NREP: variants seen among roughly 807,000 people sequenced by gnomAD.
NREP encodes the protein neuronal regeneration-related protein.
In NREP, 5 loss-of-function variants were observed where a neutral mutation model predicts 8.6. The ratio of observed to expected loss-of-function variants is 0.58; its 90% CI spans 0.30 to 1.22. The LOEUF (loss-of-function observed/expected upper bound fraction) is 1.22. Ranked by LOEUF, NREP falls within the 50% of genes most tolerant of loss-of-function variation. NREP has a pLI of 0.07. For missense variants in NREP, 86 were observed against 82.5 expected, an observed-to-expected ratio of 1.04 and a Z score of -0.17; for synonymous variants, 27 against 28.0, an observed-to-expected ratio of 0.96 and a Z score of 0.11.
At chr5:111,917,962 A>G (rs890407103) in intron 2 of NREP, among the ~76,000 whole-genome samples, 4 of 152,172 alleles carry the variant, frequency 2.6e-5, no homozygotes, top group African/African-American at 9.7e-5. Context: ...AGAAAACCCC[A>G]TCATCTCAGC....
intron 2 of NREP, among the ~76,000 whole-genome samples, chr5:111,805,372 T>C (rs1752116395): frequency 6.6e-6 from 1 of 152,230 alleles, no homozygotes; most frequent in African/African-American, 2.4e-5. Flanking sequence ...ACAAGGTTAT[T>C]CATTGCATAT....
intron 2 of NREP, among the ~76,000 whole-genome samples, chr5:111,819,247 C>T (rs538069137): frequency 1.2e-3 from 190 of 152,252 alleles, no homozygotes; most frequent in African/African-American, 4.2e-3. Flanking sequence ...GTTCTCTAAC[C>T]ACCCTTTCTG....
intron 2 of NREP, among the ~76,000 whole-genome samples, chr5:111,818,114 T>C (rs1752435383): frequency 1.3e-5 from 2 of 152,144 alleles, no homozygotes; most frequent in South Asian, 4.1e-4. Context: ...AAAATGCAAC[T>C]TTAAAGATGA....
At chr5:111,933,579 G>C (rs1755602180) in intron 2 of NREP, among the ~76,000 whole-genome samples, 1 of 152,016 alleles carries the variant, frequency 6.6e-6, no homozygotes, top group Admixed American at 6.6e-5. Context: ...GCCAAGGACA[G>C]AATGACTACA....
chr5:111,973,593 T>C (rs920887153), intron 2 of NREP, among the ~76,000 whole-genome samples: 1 of 152,190 alleles, frequency 6.6e-6, no homozygotes, highest in Non-Finnish European at 1.5e-5. Context: ...GAAATTTCTG[T>C]GTTCCTATAT....
chr5:111,952,838 TG>T (rs1756201343), intron 2 of NREP, among the ~76,000 whole-genome samples: 1 of 152,146 alleles, frequency 6.6e-6, no homozygotes, highest in South Asian at 2.1e-4. Context: ...GGAATCTCTC[TG>T]TATTATAGCT....
intron 2 of NREP, 192 bp downstream of exon 2, chr5:111,755,578 C>G (rs944952349): frequency 6.3e-6 from 4 of 631,362 alleles, no homozygotes; most frequent in Non-Finnish European, 1.1e-5. Flanking sequence ...AGTCAAAGAA[C>G]TAATTTGCCA....
At chr5:111,782,505 T>G (rs1384655249) in intron 2 of NREP, among the ~76,000 whole-genome samples, 2 of 152,210 alleles carry the variant, frequency 1.3e-5, no homozygotes, top group Admixed American at 6.5e-5. Context: ...ATTAGACTCT[T>G]ACATTTTGGG....
intron 2 of NREP, among the ~76,000 whole-genome samples, chr5:111,885,928 T>TA (rs1339456162): frequency 6.6e-6 from 1 of 152,100 alleles, no homozygotes; most frequent in African/African-American, 2.4e-5. Context: ...ACTTCATGTC[T>TA]AAAACACCAA....
intron 2 of NREP, among the ~76,000 whole-genome samples, chr5:111,931,242 A>G (rs1755529141): frequency 6.6e-6 from 1 of 152,042 alleles, no homozygotes; most frequent in Non-Finnish European, 1.5e-5. Flanking sequence ...GGATTTAGCT[A>G]GATTGAGTGA....
At chr5:111,881,159 G>C (rs142539317) in intron 2 of NREP, among the ~76,000 whole-genome samples, 1 of 152,196 alleles carries the variant, frequency 6.6e-6, no homozygotes, top group African/African-American at 2.4e-5. Context: ...AAAAAACGGC[G>C]CACCAGGAGA....
intron 2 of NREP, among the ~76,000 whole-genome samples, chr5:111,859,882 T>C (rs757552619): frequency 3.3e-5 from 5 of 152,056 alleles, no homozygotes; most frequent in Admixed American, 2.0e-4. Context: ...AAAGCACAGG[T>C]CATGTCATAT....
upstream of NREP, chr5:111,757,208 C>T: frequency 1.1e-6 from 1 of 893,342 alleles, no homozygotes; most frequent in Non-Finnish European, 1.3e-6. Flanking sequence ...TGAAAAAGGG[C>T]AACATGCTAG....
intron 2 of NREP, among the ~76,000 whole-genome samples, chr5:111,846,913 C>A (rs371870486): frequency 1.4e-3 from 208 of 152,174 alleles, no homozygotes; most frequent in African/African-American, 4.6e-3. Flanking sequence ...GTCCATTTTT[C>A]ATTCATTCAC....
At chr5:111,959,975 T>C (rs769058836) in intron 2 of NREP, among the ~76,000 whole-genome samples, 17 of 152,098 alleles carry the variant, frequency 1.1e-4, no homozygotes, top group African/African-American at 1.9e-4. Context: ...AATACCAAAA[T>C]ACTGGTCCAT....
intron 2 of NREP, among the ~76,000 whole-genome samples, chr5:111,856,531 G>A (rs1753431681): frequency 6.6e-6 from 1 of 152,132 alleles, no homozygotes; most frequent in Non-Finnish European, 1.5e-5. Context: ...TAAGAGGAAA[G>A]GTTGAGAGTG....
chr5:111,920,058 G>A (rs137866109), intron 2 of NREP, among the ~76,000 whole-genome samples: 24 of 149,894 alleles, frequency 1.6e-4, no homozygotes, highest in Non-Finnish European at 3.5e-4. Context: ...CCCTTGGAAG[G>A]TCATACTCCA....
At chr5:111,973,109 T>C (rs1460678018) in intron 2 of NREP, among the ~76,000 whole-genome samples, 1 of 152,140 alleles carries the variant, frequency 6.6e-6, no homozygotes, top group Non-Finnish European at 1.5e-5. Context: ...GCTGTCATCT[T>C]AGGAGCACAA....
intron 2 of NREP, among the ~76,000 whole-genome samples, chr5:111,897,460 C>T (rs1265960322): frequency 6.6e-6 from 1 of 152,118 alleles, no homozygotes; most frequent in Non-Finnish European, 1.5e-5. Flanking sequence ...GGCATATTTC[C>T]TATGCTCCCT....
Sources: gnomAD v4.1 joint callset for allele counts (sites outside exome capture counted in the v4.1 genomes callset) on GRCh38, gnomAD v4.1.1 for gene constraint, MANE v1.5 for transcripts, NCBI Gene and HGNC (gene_info 2026-07-23, HGNC 2026-07-21) for gene names.